The following FGL1 variants were observed in gnomAD, a reference collection of about 807,000 sequenced individuals.
FGL1 encodes fibrinogen like 1.
In FGL1, 59 loss-of-function variants were observed where a neutral mutation model predicts 43.7. The ratio of observed to expected loss-of-function variants is 1.35; its 90% CI spans 1.10 to 1.68. The LOEUF is 1.68. FGL1 is among the 40% of genes most tolerant of loss of function. The pLI is 0.00. For synonymous variants in FGL1, 192 were observed against 126.5 expected, an observed-to-expected ratio of 1.52 and a Z score of -3.48; for missense variants, 596 against 373.0, an observed-to-expected ratio of 1.60 and a Z score of -4.92.
intron 5 of FGL1, among the ~76,000 whole-genome samples, chr8:17,873,383 G>A (rs2053394323): frequency 6.6e-6 from 1 of 152,092 alleles, no homozygotes; most frequent in African/African-American, 2.4e-5. Flanking sequence ...TTCCATCCCA[G>A]AGCAGCAACT....
At chr8:17,880,075 G>T (rs899660929) in intron 3 of FGL1, among the ~76,000 whole-genome samples, 1 of 152,134 alleles carries the variant, frequency 6.6e-6, no homozygotes, top group Middle Eastern at 3.2e-3. Flanking sequence ...TGCTTCCCAA[G>T]CCCATTTTTA....
Position 17,868,865 on chromosome 8 carries a change from G to A in FGL1, c.591+51C>T, listed in dbSNP as rs772192167. The A allele has an allele frequency of 1.4e-5, 21 of 1,474,974 alleles. No individual in the cohort carries two copies. The South Asian group carries it at 2.5e-4, about 17-fold the overall frequency. The allele number at this position is 1,474,974 out of a possible 1,614,324, so 91.4% of individuals were successfully genotyped here. Reference sequence around the variant, plus strand: ...TTTCCACTGACTCCAGGGTTATATTGCACATTTTAAGCATTTATTCACGGT... The same window carrying A: ...TTTCCACTGACTCCAGGGTTATATTACACATTTTAAGCATTTATTCACGGT... On this transcript the variant is annotated intron_variant, in intron 6 of 7. Transcript: ENST00000427924.
intron 1 of FGL1, among the ~76,000 whole-genome samples, chr8:17,893,272 G>A (rs993589326): frequency 5.3e-5 from 8 of 152,002 alleles, no homozygotes; most frequent in Non-Finnish European, 1.2e-4. Flanking sequence ...TCATTCCAAT[G>A]TTTGATTCTG....
At chr8:17,881,186 G>C (rs2053530226) in intron 3 of FGL1, among the ~76,000 whole-genome samples, 1 of 147,750 alleles carries the variant, frequency 6.8e-6, no homozygotes, top group Non-Finnish European at 1.5e-5. Context: ...GCCCAGGCTG[G>C]AGTGCAGTGG....
chr8:17,881,498 A>T (rs999306664), intron 3 of FGL1, among the ~76,000 whole-genome samples: 1 of 151,452 alleles, frequency 6.6e-6, no homozygotes, highest in Non-Finnish European at 1.5e-5. Flanking sequence ...AAATTCTCAG[A>T]TATTTAGCAT....
chr8:17,884,929 A>G (rs2053605385), intron 2 of FGL1, among the ~76,000 whole-genome samples: 1 of 152,186 alleles, frequency 6.6e-6, no homozygotes, highest in Admixed American at 6.5e-5. Context: ...CTCAAGGTTA[A>G]TTTTAATTAC....
chr8:17,868,847 T>C (rs2053312723), intron 6 of FGL1, 69 bp downstream of exon 6: 8 of 1,460,458 alleles, frequency 5.5e-6, no homozygotes, highest in Non-Finnish European at 7.5e-6. Context: ...TTATTTCCAC[T>C]GACTCCAGGG....
chr8:17,882,148 C>G lies in FGL1; in HGVS notation c.95G>C (p.Arg32Pro). Residue 32 changes from arginine (R) to proline (P), a missense_variant, in exon 3 of 8, where the codon CGG becomes CCG. Physicochemically the swap from Arg to Pro is moderately radical, Grantham distance 103. Coordinates refer to ENST00000427924, the MANE Select transcript of FGL1 (RefSeq NM_004467.4). ...ALEDCAQEQM[R>P]LRAQVRLLET... Reference sequence around the variant, plus strand: ...AAGCAGGCGCACCTGGGCTCTGAGCCGCATCTGCTCCTGGGCACAGTCCTC... The same window carrying G: ...AAGCAGGCGCACCTGGGCTCTGAGCGGCATCTGCTCCTGGGCACAGTCCTC... The G allele has an allele frequency of 6.2e-7, 1 of 1,613,794 alleles. No individual in the cohort carries two copies. The highest frequency in any genetic ancestry group is 1.1e-5 in the South Asian group (1 of 91,046).
At chr8:17,865,266 C>G (rs1436022930) in intron 7 of FGL1, among the ~76,000 whole-genome samples, 1 of 152,170 alleles carries the variant, frequency 6.6e-6, no homozygotes, top group Non-Finnish European at 1.5e-5. Context: ...AACCTCCTGA[C>G]TCAGAACAGT....
intron 1 of FGL1, among the ~76,000 whole-genome samples, chr8:17,892,282 A>C (rs1403851956): frequency 1.3e-5 from 2 of 152,196 alleles, no homozygotes; most frequent in South Asian, 2.1e-4. Context: ...TTCATGTTAC[A>C]GAAAATAAGA....
intron 1 of FGL1, among the ~76,000 whole-genome samples, chr8:17,892,497 TAA>T (rs2053719060): frequency 6.6e-6 from 1 of 152,004 alleles, no homozygotes; most frequent in African/African-American, 2.4e-5. Context: ...CCTAAAGAAA[TAA>T]AAGAGACTTT....
chr8:17,870,704 G>A (rs1255365403), intron 5 of FGL1, among the ~76,000 whole-genome samples: 1 of 152,108 alleles, frequency 6.6e-6, no homozygotes, highest in African/African-American at 2.4e-5. Context: ...TCAGGAGATC[G>A]AGACCATCCT....
intron 2 of FGL1, among the ~76,000 whole-genome samples, chr8:17,885,202 G>A (rs1481230972): frequency 2.0e-5 from 3 of 151,630 alleles, no homozygotes; most frequent in Admixed American, 6.6e-5. Context: ...CATCACGCCC[G>A]GCTAATTTTT....
intron 1 of FGL1, among the ~76,000 whole-genome samples, chr8:17,889,100 T>G (rs982815140): frequency 1.3e-5 from 2 of 152,152 alleles, no homozygotes; most frequent in African/African-American, 4.8e-5. Context: ...GCCATTCAAG[T>G]AGAATGTACC....
intron 5 of FGL1, among the ~76,000 whole-genome samples, chr8:17,872,896 A>G (rs1157223576): frequency 6.6e-6 from 1 of 152,234 alleles, no homozygotes; most frequent in Non-Finnish European, 1.5e-5. Flanking sequence ...TATATACAGA[A>G]AAGATGGATT....
intron 5 of FGL1, among the ~76,000 whole-genome samples, chr8:17,873,728 C>T (rs2053400065): frequency 6.7e-6 from 1 of 149,274 alleles, no homozygotes. Context: ...CTATATATAG[C>T]TACATATATA....
intron 3 of FGL1, among the ~76,000 whole-genome samples, chr8:17,880,020 T>C (rs1211747283): frequency 6.6e-6 from 1 of 152,202 alleles, no homozygotes; most frequent in East Asian, 1.9e-4. Context: ...TATGTTCTTT[T>C]GGGATCACTT....
intron 1 of FGL1, chr8:17,885,926 G>A (rs954330182): frequency 5.8e-6 from 1 of 173,166 alleles, no homozygotes; most frequent in African/African-American, 2.4e-5. Flanking sequence ...GCTGGTCTCT[G>A]CTTATGGAGC....
chr8:17,891,602 T>G, intron 1 of FGL1: 1 of 776,944 alleles, frequency 1.3e-6, no homozygotes, highest in Non-Finnish European at 1.6e-6. Flanking sequence ...GGAATGTACA[T>G]GTTTTGGGGG....
Sources: gnomAD v4.1 joint callset for allele counts (sites outside exome capture counted in the v4.1 genomes callset) on GRCh38, gnomAD v4.1.1 for gene constraint, MANE v1.5 for transcripts, NCBI Gene and HGNC (gene_info 2026-07-23, HGNC 2026-07-21) for gene names.